The following CTDP1 variants were observed in gnomAD, a reference collection of about 807,000 sequenced individuals.
CTDP1 encodes the protein RNA polymerase II subunit A C-terminal domain phosphatase.
In CTDP1, 47 loss-of-function variants were observed where a neutral mutation model predicts 91.8. That is an observed-to-expected ratio of 0.51 (90% confidence interval 0.41 to 0.65). The LOEUF (loss-of-function observed/expected upper bound fraction) is 0.65, where lower values mean the gene tolerates loss of function less well. CTDP1 is among the 30% of genes least tolerant of loss of function. CTDP1 has a pLI of 0.00. For missense variants in CTDP1, 1,272 were observed against 1,373.7 expected (o/e 0.93, Z 1.17); for synonymous variants, 656 against 598.5 (o/e 1.10, Z -1.40).
At chr18:79,695,374 G>A (rs555486444) in intron 2 of CTDP1, 66 bp downstream of exon 2, 18 of 1,430,342 alleles carry the variant, frequency 1.3e-5, no homozygotes, top group Admixed American at 5.1e-5. Flanking sequence ...CGGGGAGTCC[G>A]AGAAGCTGTG....
At chr18:79,698,280 G>C (rs959399255) in intron 4 of CTDP1, among the ~76,000 whole-genome samples, 4 of 152,124 alleles carry the variant, frequency 2.6e-5, no homozygotes, top group Non-Finnish European at 4.4e-5. Flanking sequence ...GAAACGTCCC[G>C]AGCCTGTGAG....
chr18:79,711,181 G>T (rs894532320), intron 6 of CTDP1, among the ~76,000 whole-genome samples: 4 of 151,900 alleles, frequency 2.6e-5, no homozygotes, highest in Admixed American at 6.6e-5. Context: ...CCTCATCTCT[G>T]TCAGACGGCA....
At chr18:79,744,460 CAA>C (rs1283828875) in intron 12 of CTDP1, among the ~76,000 whole-genome samples, 1 of 152,140 alleles carries the variant, frequency 6.6e-6, no homozygotes, top group Non-Finnish European at 1.5e-5. Context: ...GCATGAGAAA[CAA>C]AGCAGAGTGG....
chr18:79,688,734 G>A (rs768032371), intron 1 of CTDP1, among the ~76,000 whole-genome samples: 11 of 150,948 alleles, frequency 7.3e-5, no homozygotes, highest in Non-Finnish European at 1.6e-4. Context: ...TAGTAGAGAC[G>A]ATTTCACCAC....
In CTDP1 at chr18:79,729,068, A is replaced by G; in HGVS notation, c.2579A>G (p.Glu860Gly). The change falls in exon 11 of 13, where the codon GAG becomes GGG. Residue 860 changes from glutamate to glycine, a missense_variant and splice_region_variant. Glu to Gly is a moderately conservative substitution (Grantham distance 98). Around this residue, in one of 3 missense-constraint regions of CTDP1, gnomAD observed 881 missense variants for 911.6 expected, o/e 0.97. Coordinates refer to ENST00000613122, the MANE Select transcript of CTDP1 (RefSeq NM_004715.5). ...CKEDLESMDKEVDDILGEGSD... is the reference protein window; with the variant it reads ...CKEDLESMDKGVDDILGEGSD... The stretch of plus-strand genomic sequence containing the variant: ...GAGGATTTAGAGAGTATGGACAAAG[A>G]GGTGAGCCAACCCCACGCCCCGGTG... The G allele has an allele frequency of 6.2e-7, 1 of 1,613,010 alleles. No individual in the cohort carries two copies. The highest frequency in any genetic ancestry group is 1.3e-5 in the African/African-American group (1 of 75,038).
At chr18:79,730,973 G>A (rs190147029) in intron 11 of CTDP1, among the ~76,000 whole-genome samples, 92 of 152,334 alleles carry the variant, frequency 6.0e-4, no homozygotes, top group African/African-American at 1.9e-3. Context: ...TGACAGCCTC[G>A]TCTCACATGT....
At chr18:79,751,644 G>A (rs935277461) in intron 12 of CTDP1, among the ~76,000 whole-genome samples, 9 of 152,158 alleles carry the variant, frequency 5.9e-5, no homozygotes, top group Non-Finnish European at 2.9e-5. Flanking sequence ...TTATTTCTGC[G>A]CTATAGTTTG....
In CTDP1 at chr18:79,714,581, G is replaced by C. The variant is rs1203074734; in HGVS notation, c.1121G>C (p.Ser374Thr). ...GVTQAPGVEP[S>T]NGLEKPAREL... ...ACGCAGGCCCCTGGAGTGGAGCCCA[G>C]CAATGGCCTGGAGAAGCCTGCACGG... The change falls in exon 8 of 13, where the codon AGC becomes ACC. Residue 374 changes from serine to threonine, a missense_variant. By Grantham distance (58) the Ser-to-Thr change is moderately conservative. Around this residue, in one of 3 missense-constraint regions of CTDP1, gnomAD observed 881 missense variants for 911.6 expected, o/e 0.97. Transcript: ENST00000613122. 4 of 1,613,130 alleles carry C rather than the reference G, an allele frequency of 2.5e-6. No individual in the cohort carries two copies. The South Asian group carries it at 4.4e-5, about 18-fold the overall frequency.
chr18:79,709,148 CAT>C (rs1426412371), intron 5 of CTDP1, among the ~76,000 whole-genome samples: 3 of 152,244 alleles, frequency 2.0e-5, no homozygotes, highest in Non-Finnish European at 4.4e-5. Flanking sequence ...ATGCCTCCAA[CAT>C]ATTTTACCAA....
At chr18:79,740,299 G>A (rs984308743) in intron 12 of CTDP1, among the ~76,000 whole-genome samples, 12 of 152,244 alleles carry the variant, frequency 7.9e-5, no homozygotes, top group Admixed American at 3.3e-4. Context: ...GCTGGGGGCC[G>A]TGTGTGCCCC....
At chr18:79,679,762 A>G (rs538118242), upstream of CTDP1, 6 of 546,136 alleles carry the variant, frequency 1.1e-5, no homozygotes, top group Admixed American at 3.2e-5. Flanking sequence ...GCACGTACGC[A>G]CGTACGCGGC....
upstream of CTDP1, chr18:79,679,535 GT>G (rs777947413): frequency 1.6e-4 from 73 of 459,614 alleles, no homozygotes; most frequent in Non-Finnish European, 2.2e-5. Flanking sequence ...GCCATGCTCT[GT>G]CCGCGGTGCA....
intron 12 of CTDP1, among the ~76,000 whole-genome samples, chr18:79,747,198 G>A (rs998214121): frequency 9.2e-5 from 14 of 152,142 alleles, no homozygotes; most frequent in African/African-American, 2.7e-4. Context: ...AAAGAGCCCC[G>A]GCCTGGCAGC....
At chr18:79,720,586 C>A (rs1047176461) in intron 10 of CTDP1, among the ~76,000 whole-genome samples, 3 of 152,144 alleles carry the variant, frequency 2.0e-5, no homozygotes, top group Non-Finnish European at 4.4e-5. Flanking sequence ...GGTGATGTCA[C>A]TTCCCATCGT....
At chr18:79,693,473 C>T (rs192934494) in intron 1 of CTDP1, among the ~76,000 whole-genome samples, 2 of 152,258 alleles carry the variant, frequency 1.3e-5, no homozygotes, top group Admixed American at 6.5e-5. Flanking sequence ...TTGAGTCTCC[C>T]ATATCCAAAC....
At chr18:79,704,742 C>G (rs368507621) in intron 4 of CTDP1, 25 bp from the exon 5 acceptor site, 3 of 1,612,458 alleles carry the variant, frequency 1.9e-6, no homozygotes, top group Non-Finnish European at 2.5e-6. Flanking sequence ...CCTTTTCTCC[C>G]GACTGTTGCT....
At chr18:79,742,720 T>G (rs4799083) in intron 12 of CTDP1, among the ~76,000 whole-genome samples, 1 of 152,082 alleles carries the variant, frequency 6.6e-6, no homozygotes. Context: ...CACTTTAGGA[T>G]GCCGAGGTGG....
At chr18:79,743,979 A>T (rs550967908) in intron 12 of CTDP1, among the ~76,000 whole-genome samples, 1 of 152,220 alleles carries the variant, frequency 6.6e-6, no homozygotes, top group Non-Finnish European at 1.5e-5. Flanking sequence ...TCACTGAGAC[A>T]GATGCAGCTC....
chr18:79,687,132 T>G (rs371510698), intron 1 of CTDP1, among the ~76,000 whole-genome samples: 1 of 99,970 alleles, frequency 1.0e-5, no homozygotes, highest in Admixed American at 9.8e-5. Flanking sequence ...AGTTGGCTTC[T>G]CCAGTTCACT....
Sources: gnomAD v4.1 joint callset for allele counts (sites outside exome capture counted in the v4.1 genomes callset) on GRCh38, gnomAD v4.1.1 for gene constraint, gnomAD v4.1.1 regional missense constraint, MANE v1.5 for transcripts, NCBI Gene and HGNC (gene_info 2026-07-23, HGNC 2026-07-21) for gene names.